Variants in CADM2 observed in about 807,000 individuals in gnomAD.
CADM2 encodes the protein cell adhesion molecule 2.
Under a neutral mutation model 49.8 loss-of-function variants are expected in CADM2, and 12 were observed. The ratio of observed to expected loss-of-function variants is 0.24; its 90% CI spans 0.15 to 0.39. CADM2 has a LOEUF of 0.39. Among genes scored for constraint, CADM2 ranks in the 10% least tolerant of loss-of-function variants. The pLI is 1.00. For synonymous variants in CADM2, 214 were observed against 175.4 expected (o/e 1.22, Z -1.74); for missense variants, 378 against 492.3 (o/e 0.77, Z 2.20).
intron 1 of CADM2, among the ~76,000 whole-genome samples, chr3:85,555,404 G>A (rs1320836508): frequency 6.6e-6 from 1 of 152,024 alleles, no homozygotes; most frequent in South Asian, 2.1e-4. Context: ...ATAACTGCTT[G>A]GTCAGGATAC....
intron 6 of CADM2, among the ~76,000 whole-genome samples, chr3:85,929,847 G>A (rs1720374143): frequency 6.6e-6 from 1 of 151,808 alleles, no homozygotes; most frequent in African/African-American, 2.4e-5. Flanking sequence ...AATGTTTTTA[G>A]GATAACATTG....
At chr3:85,660,240 T>C (rs1163990871) in intron 1 of CADM2, among the ~76,000 whole-genome samples, 1 of 152,128 alleles carries the variant, frequency 6.6e-6, no homozygotes, top group African/African-American at 2.4e-5. Flanking sequence ...CAGTCATTTC[T>C]AGTAGTTTCT....
chr3:85,372,461 A>ATGTATATAAT lies in CADM2; in HGVS notation c.62-354059_62-354058insTATATAATTG, dbSNP rs1422090238. Reference sequence around the variant, plus strand: ...TATATATGTGTATATATGTATATATATGAGATCAAAATGTATGAATTTTAT... The same window carrying ATGTATATAAT: ...TATATATGTGTATATATGTATATATATGTATATAATTGAGATCAAAATGTATGAATTTTAT... On this transcript the variant is annotated intron_variant, in intron 1 of 9. Coordinates refer to ENST00000383699, the MANE Select transcript of CADM2 (RefSeq NM_001167675.2). Among the ~76,000 whole-genome samples, 3 of 150,650 alleles carry ATGTATATAAT rather than the reference A, an allele frequency of 2.0e-5. No homozygotes were observed. The South Asian group carries it at 6.3e-4, about 32-fold the overall frequency.
At chr3:85,827,395 G>A (rs751884585) in intron 3 of CADM2, among the ~76,000 whole-genome samples, 5 of 151,844 alleles carry the variant, frequency 3.3e-5, no homozygotes, top group Non-Finnish European at 7.4e-5. Flanking sequence ...GGTGCTTGTA[G>A]TAATGTATAT....
chr3:85,200,522 C>T (rs1576103444), intron 1 of CADM2, among the ~76,000 whole-genome samples: 1 of 151,978 alleles, frequency 6.6e-6, no homozygotes, highest in African/African-American at 2.4e-5. Flanking sequence ...TCATGAAGGG[C>T]TTTCTAGGAG....
chr3:85,220,876 A>G (rs1270324278), intron 1 of CADM2, among the ~76,000 whole-genome samples: 1 of 152,192 alleles, frequency 6.6e-6, no homozygotes, highest in African/African-American at 2.4e-5. Context: ...AACTGAGTCT[A>G]TAAGGCAAAA....
At chr3:85,352,843 A>G (rs1014837548) in intron 1 of CADM2, among the ~76,000 whole-genome samples, 6 of 152,134 alleles carry the variant, frequency 3.9e-5, no homozygotes. Flanking sequence ...GGTTCTGGTT[A>G]TTAATTAACT....
chr3:85,108,203 T>C (rs2107562512), intron 1 of CADM2, among the ~76,000 whole-genome samples: 1 of 152,240 alleles, frequency 6.6e-6, no homozygotes, highest in South Asian at 2.1e-4. Context: ...AAAATGTCTC[T>C]GGGCATATAC....
chr3:86,012,694 T>C (rs1731687832), intron 8 of CADM2: 1 of 1,193,672 alleles, frequency 8.4e-7, no homozygotes, highest in Non-Finnish European at 1.2e-6. Flanking sequence ...ACTTAGAAGA[T>C]AAAACACCTG....
chr3:85,325,308 C>A (rs2044720644), intron 1 of CADM2, among the ~76,000 whole-genome samples: 1 of 152,158 alleles, frequency 6.6e-6, no homozygotes, highest in South Asian at 2.1e-4. Flanking sequence ...AATACATATT[C>A]AGTGGAAATT....
intron 1 of CADM2, among the ~76,000 whole-genome samples, chr3:85,032,558 G>A (rs1048500079): frequency 1.5e-4 from 23 of 152,108 alleles, no homozygotes; most frequent in African/African-American, 5.6e-4. Context: ...TTAATCTACT[G>A]TGCATTTTCT....
intron 8 of CADM2, among the ~76,000 whole-genome samples, chr3:85,971,886 A>G (rs969908176): frequency 9.2e-5 from 14 of 151,756 alleles, no homozygotes; most frequent in Admixed American, 2.0e-4. Flanking sequence ...TTAAAATTGC[A>G]GTACTTTTCA....
At chr3:85,054,438 A>G (rs2035999933) in intron 1 of CADM2, among the ~76,000 whole-genome samples, 1 of 151,914 alleles carries the variant, frequency 6.6e-6, no homozygotes, top group Non-Finnish European at 1.5e-5. Flanking sequence ...GTTAAGGCTT[A>G]GACATTTTGT....
intron 1 of CADM2, among the ~76,000 whole-genome samples, chr3:85,200,061 C>T (rs181860813): frequency 2.0e-4 from 31 of 152,094 alleles, no homozygotes; most frequent in Admixed American, 1.2e-3. Context: ...AAATGCCCTT[C>T]CATGGGTTAA....
intron 8 of CADM2, among the ~76,000 whole-genome samples, chr3:85,982,487 A>C (rs921339083): frequency 6.6e-6 from 1 of 151,632 alleles, no homozygotes. Flanking sequence ...ATCTATTTTA[A>C]AAGAAAAAAA....
chr3:85,105,598 A>C (rs1227336424), intron 1 of CADM2, among the ~76,000 whole-genome samples: 1 of 152,202 alleles, frequency 6.6e-6, no homozygotes, highest in Admixed American at 6.5e-5. Context: ...TACTGGGTAT[A>C]TACCCAAGGG....
chr3:85,109,171 T>G (rs1490763740), intron 1 of CADM2, among the ~76,000 whole-genome samples: 2 of 151,960 alleles, frequency 1.3e-5, no homozygotes, highest in African/African-American at 2.4e-5. Flanking sequence ...CTTTTCATGG[T>G]TGTATGCAAA....
chr3:85,192,395 A>T (rs970710782), intron 1 of CADM2, among the ~76,000 whole-genome samples: 1 of 151,990 alleles, frequency 6.6e-6, no homozygotes, highest in Non-Finnish European at 1.5e-5. Context: ...CCTTATTTTT[A>T]AAAAATTGTT....
intron 1 of CADM2, among the ~76,000 whole-genome samples, chr3:85,358,627 T>A (rs1402059164): frequency 6.6e-6 from 1 of 151,984 alleles, no homozygotes; most frequent in East Asian, 1.9e-4. Context: ...CAGTGATTGA[T>A]CAAAGGAAAG....
Sources: allele counts gnomAD v4.1 joint callset (sites outside exome capture counted in the v4.1 genomes callset), GRCh38; gene constraint gnomAD v4.1.1; transcripts MANE v1.5; gene names NCBI Gene and HGNC (gene_info 2026-07-23, HGNC 2026-07-21).